The following PPM1L variants were observed in gnomAD, a reference collection of about 807,000 sequenced individuals.
The protein encoded by PPM1L is protein phosphatase 1L.
Under a neutral mutation model 31.4 loss-of-function variants are expected in PPM1L, and 13 were observed. The ratio of observed to expected loss-of-function variants is 0.41; its 90% CI spans 0.27 to 0.66. The LOEUF (loss-of-function observed/expected upper bound fraction) is 0.66. PPM1L is among the 30% of genes least tolerant of loss of function. The probability of loss-of-function intolerance (pLI) is 0.29; values close to 1 mark genes in which losing one functional copy is unlikely to be tolerated. For missense variants in PPM1L, 326 were observed against 453.7 expected (o/e 0.72, Z 2.56); for synonymous variants, 184 against 175.4 (o/e 1.05, Z -0.39).
At chr3:160,971,272 G>A (rs62280333) in intron 2 of PPM1L, among the ~76,000 whole-genome samples, 55,114 of 152,052 alleles carry the variant, frequency 0.36, 12,752 homozygotes, top group Non-Finnish European at 0.52. Context: ...TCTTCCAGTC[G>A]TAACAATGTG....
chr3:160,987,408 G>C (rs1390256436), intron 2 of PPM1L, among the ~76,000 whole-genome samples: 2 of 152,120 alleles, frequency 1.3e-5, no homozygotes, highest in Non-Finnish European at 2.9e-5. Flanking sequence ...TTGCTAACAA[G>C]AACTATACGT....
intron 1 of PPM1L, among the ~76,000 whole-genome samples, chr3:160,799,310 A>T (rs62272820): frequency 6.6e-6 from 1 of 152,180 alleles, no homozygotes; most frequent in Non-Finnish European, 1.5e-5. Flanking sequence ...TTCATGAAAG[A>T]TGACAGATTT....
intron 1 of PPM1L, among the ~76,000 whole-genome samples, chr3:160,920,703 C>G (rs1714376058): frequency 6.8e-6 from 1 of 147,346 alleles, no homozygotes. Context: ...TCGGACAATC[C>G]CTTTTAGCAG....
intron 1 of PPM1L, among the ~76,000 whole-genome samples, chr3:160,952,414 C>T (rs1715602357): frequency 6.6e-6 from 1 of 152,182 alleles, no homozygotes; most frequent in Non-Finnish European, 1.5e-5. Context: ...ACTCCCTTCT[C>T]TCTTCTTTCT....
At chr3:160,933,837 T>C (rs1714871579) in intron 1 of PPM1L, among the ~76,000 whole-genome samples, 1 of 152,220 alleles carries the variant, frequency 6.6e-6, no homozygotes, top group African/African-American at 2.4e-5. Flanking sequence ...AAGATTTTGA[T>C]ACATAGCTTT....
chr3:161,001,085 T>C (rs1717464460), intron 2 of PPM1L, among the ~76,000 whole-genome samples: 1 of 152,202 alleles, frequency 6.6e-6, no homozygotes, highest in Non-Finnish European at 1.5e-5. Flanking sequence ...TGTAAATAAC[T>C]AATATTTCTG....
chr3:160,987,654 GC>G (rs1247070549), intron 2 of PPM1L, among the ~76,000 whole-genome samples: 5 of 152,160 alleles, frequency 3.3e-5, no homozygotes, highest in Admixed American at 3.3e-4. Flanking sequence ...AAGTGCTTGG[GC>G]AAGGGAAGGG....
intron 1 of PPM1L, among the ~76,000 whole-genome samples, chr3:160,864,080 C>T (rs76921052): frequency 0.031 from 4,692 of 152,246 alleles, 203 homozygotes; most frequent in African/African-American, 0.091. Flanking sequence ...TGTTACCACT[C>T]CGTATTGAAT....
chr3:160,839,908 G>A (rs1713819914), intron 1 of PPM1L, among the ~76,000 whole-genome samples: 1 of 152,120 alleles, frequency 6.6e-6, no homozygotes, highest in Non-Finnish European at 1.5e-5. Context: ...AATATATCTC[G>A]AATGTATGCA....
intron 1 of PPM1L, among the ~76,000 whole-genome samples, chr3:160,932,296 G>A (rs945204082): frequency 6.6e-6 from 1 of 152,184 alleles, no homozygotes; most frequent in East Asian, 1.9e-4. Flanking sequence ...ACCTCTTCAA[G>A]CTATCAGAAG....
intron 2 of PPM1L, among the ~76,000 whole-genome samples, chr3:160,998,076 A>G (rs1482003426): frequency 6.6e-6 from 1 of 152,222 alleles, no homozygotes; most frequent in Non-Finnish European, 1.5e-5. Context: ...AGTTCCTATT[A>G]TGTAATTACT....
At chr3:160,760,373 T>G (rs1312550478) in intron 1 of PPM1L, among the ~76,000 whole-genome samples, 1 of 152,076 alleles carries the variant, frequency 6.6e-6, no homozygotes, top group African/African-American at 2.4e-5. Context: ...AAGATATGTC[T>G]CTGGACTTTT....
intron 2 of PPM1L, among the ~76,000 whole-genome samples, chr3:161,051,333 ACTG>A (rs1719271425): frequency 6.6e-6 from 1 of 151,944 alleles, no homozygotes. Context: ...CATAGTAGGC[ACTG>A]AATGAGGGAA....
chr3:161,065,261 C>A lies in PPM1L; in HGVS notation c.575-142C>A, dbSNP rs1719699639. 7.1e-6 allele frequency: 5 copies of A among 703,634 alleles called. No homozygotes were observed. The South Asian group carries it at 9.1e-5, about 13-fold the overall frequency. The allele number at this position is 703,634 out of a possible 1,614,324, so 43.6% of individuals were successfully genotyped here. On this transcript the variant is annotated intron_variant, in intron 2 of 3. Transcript: ENST00000498165. Reference sequence around the variant, plus strand: ...TGATCATTGTTGTCGAAGTGAACAGCCATCATTCTCAGAGTGGCTGGAGTC... The same window carrying A: ...TGATCATTGTTGTCGAAGTGAACAGACATCATTCTCAGAGTGGCTGGAGTC...
At chr3:161,040,385 A>T (rs535762444) in intron 2 of PPM1L, among the ~76,000 whole-genome samples, 2 of 152,270 alleles carry the variant, frequency 1.3e-5, no homozygotes, top group East Asian at 1.9e-4. Flanking sequence ...GTATCGAGGG[A>T]CTGATATAAC....
chr3:160,927,656 G>A (rs1404637561), intron 1 of PPM1L, among the ~76,000 whole-genome samples: 1 of 152,064 alleles, frequency 6.6e-6, no homozygotes, highest in East Asian at 1.9e-4. Context: ...GCGCATGCAC[G>A]TAAATGCGTG....
chr3:160,999,890 A>AGAC (rs1231726497), intron 2 of PPM1L, among the ~76,000 whole-genome samples: 6 of 152,240 alleles, frequency 3.9e-5, no homozygotes, highest in Admixed American at 2.6e-4. Flanking sequence ...ACCCTAAAAG[A>AGAC]GACAGTATGC....
intron 1 of PPM1L, among the ~76,000 whole-genome samples, chr3:160,802,243 C>T (rs1712451115): frequency 6.6e-6 from 1 of 152,188 alleles, no homozygotes; most frequent in Admixed American, 6.5e-5. Context: ...TCCTTTCTCT[C>T]ACCCTGGGTC....
At chr3:160,775,665 C>T (rs530585521) in intron 1 of PPM1L, among the ~76,000 whole-genome samples, 1 of 152,284 alleles carries the variant, frequency 6.6e-6, no homozygotes, top group East Asian at 1.9e-4. Context: ...CTAGGCAATA[C>T]TCTCAGATTT....
Sources: allele counts gnomAD v4.1 joint callset (sites outside exome capture counted in the v4.1 genomes callset), GRCh38; gene constraint gnomAD v4.1.1; transcripts MANE v1.5; gene names NCBI Gene and HGNC (gene_info 2026-07-23, HGNC 2026-07-21).